Variants in RBM38 observed in about 807,000 individuals in gnomAD.
RBM38 encodes the protein RNA-binding protein 38.
RBM38 carries 11 observed loss-of-function variants against 23.5 expected under a neutral mutation model. The ratio of observed to expected loss-of-function variants is 0.47; its 90% CI spans 0.29 to 0.77. RBM38 has a LOEUF of 0.77. Among genes scored for constraint, RBM38 ranks in the 30% least tolerant of loss-of-function variants. The pLI is 0.08. For synonymous variants in RBM38, 165 were observed against 166.1 expected, an observed-to-expected ratio of 0.99 and a Z score of 0.05; for missense variants, 330 against 351.9, an observed-to-expected ratio of 0.94 and a Z score of 0.50.
chr20:57,391,862 T>G, intron 1 of RBM38, 44 bp downstream of exon 1: 1 of 1,351,436 alleles, frequency 7.4e-7, no homozygotes. Context: ...CCGCACACCT[T>G]ATCGCGGCCC....
intron 3 of RBM38, among the ~76,000 whole-genome samples, chr20:57,395,915 G>A (rs1450068137): frequency 6.6e-6 from 1 of 152,230 alleles, no homozygotes; most frequent in Non-Finnish European, 1.5e-5. Context: ...AGGGCATGGA[G>A]GGAGGTGGGA....
At chr20:57,403,232 C>T (rs774764403) in intron 3 of RBM38, among the ~76,000 whole-genome samples, 1 of 152,202 alleles carries the variant, frequency 6.6e-6, no homozygotes, top group Non-Finnish European at 1.5e-5. Context: ...TTGAGGTCAG[C>T]CTCTGTAGGA....
rs776727871 is a variant in RBM38 at position 57,407,812 on chromosome 20, A to G, written c.686A>G (p.Gln229Arg). The G allele has an allele frequency of 6.3e-7, 1 of 1,586,982 alleles. No individual in the cohort carries two copies. The change falls in exon 4 of 4, where the codon CAG becomes CGG. Residue 229 changes from glutamine (Q) to arginine (R), a missense_variant. Transcript: ENST00000356208. The surrounding 1 kb of genome is among the most constrained non-coding windows in gnomAD (Gnocchi z 4.0). The part of the protein sequence containing the change: ...APAGTTFVQY[Q>R]APQLQPDRMQ ...GCGGGCACCACTTTCGTGCAGTACC[A>G]GGCGCCGCAGCTGCAGCCTGACAGG...
In RBM38 at chr20:57,407,703, G is replaced by A. The variant is rs774859528; in HGVS notation, c.577G>A (p.Ala193Thr). ...GGCCACCTATGACCAGTACCCATACGCCGCCTCGCCTGCCACGGCTGCCAG... is the reference window on the plus strand; with the variant it reads ...GGCCACCTATGACCAGTACCCATACACCGCCTCGCCTGCCACGGCTGCCAG... The part of the protein sequence containing the change: ...PPATYDQYPY[A>T]ASPATAASFV... Residue 193 changes from alanine to threonine, a missense_variant, in exon 4 of 4, where the codon GCC becomes ACC. By Grantham distance (58) the Ala-to-Thr change is moderately conservative. This residue lies in a region of RBM38 where 227 missense variants were observed against 216.4 expected (regional missense o/e 1.05). Coordinates refer to ENST00000356208, the MANE Select transcript of RBM38 (RefSeq NM_017495.6). The surrounding 1 kb of genome is among the most constrained non-coding windows in gnomAD (Gnocchi z 4.0). 27 of 1,612,046 alleles carry A rather than the reference G, an allele frequency of 1.7e-5. No individual in the cohort carries two copies. Among genetic ancestry groups the A allele is most frequent in the Admixed American group, 6.7e-5 (4 of 59,974 alleles).
At chr20:57,396,646 A>G (rs2067277440) in intron 3 of RBM38, among the ~76,000 whole-genome samples, 1 of 152,250 alleles carries the variant, frequency 6.6e-6, no homozygotes, top group South Asian at 2.1e-4. Flanking sequence ...TACATTATAG[A>G]ACGTTTGAAG....
rs187416726 is a variant in RBM38, at chr20:57,407,363, A to G, written c.417-180A>G. Among the ~76,000 whole-genome samples the G allele has an allele frequency of 6.6e-6, 1 of 152,154 alleles. No individual in the cohort carries two copies. The highest frequency in any genetic ancestry group is 6.5e-5 in the Admixed American group (1 of 15,286). On this transcript the variant is annotated intron_variant, in intron 3 of 3. Coordinates refer to ENST00000356208, the MANE Select transcript of RBM38 (RefSeq NM_017495.6). The surrounding 1 kb of genome is among the most constrained non-coding windows in gnomAD (Gnocchi z 4.0). Reference sequence around the variant, plus strand: ...AGGGAGCCTGGTGGTTAGTGCAGACAGTCAGTGCGAAGGCCTTGAGGCGGC... The same window carrying G: ...AGGGAGCCTGGTGGTTAGTGCAGACGGTCAGTGCGAAGGCCTTGAGGCGGC...
At chr20:57,393,600 C>A (rs2067243552) in intron 3 of RBM38, among the ~76,000 whole-genome samples, 3 of 152,198 alleles carry the variant, frequency 2.0e-5, no homozygotes, top group South Asian at 2.1e-4. Context: ...GTTTCCTCAC[C>A]CGTAAAATGG....
intron 3 of RBM38, among the ~76,000 whole-genome samples, chr20:57,403,265 T>C (rs1240199048): frequency 1.3e-5 from 2 of 152,218 alleles, no homozygotes; most frequent in Non-Finnish European, 2.9e-5. Context: ...ATGAGGAAAC[T>C]GCGCCTTGGA....
At chr20:57,397,844 G>A (rs8116567) in intron 3 of RBM38, among the ~76,000 whole-genome samples, 5,458 of 152,280 alleles carry the variant, frequency 0.036, 333 homozygotes, top group African/African-American at 0.12. Flanking sequence ...TTGTGCACTC[G>A]TGGGCCCACA....
At chr20:57,406,003 G>C (rs866634538) in intron 3 of RBM38, among the ~76,000 whole-genome samples, 2 of 152,210 alleles carry the variant, frequency 1.3e-5, no homozygotes, top group African/African-American at 2.4e-5. Context: ...GGGGGCCCCT[G>C]CCTACAGGTC....
At position 57,408,422 on chromosome 20, in the gene RBM38, CGCACAGGG is replaced by C. The variant is rs908804782; in HGVS notation, c.*579_*586del. 8 of 154,346 alleles carry C rather than the reference CGCACAGGG, an allele frequency of 5.2e-5. No homozygotes were observed. Among genetic ancestry groups the C allele is most frequent in the African/African-American group, 1.9e-4 (8 of 41,598 alleles). 9.6% of individuals were successfully genotyped at this position (154,346 alleles called of 1,614,324 possible). A position where few individuals can be genotyped will look rare whatever the true frequency, so the allele number is the denominator to read the frequency against. On this transcript the variant is annotated 3_prime_UTR_variant, in exon 4 of 4. Transcript: ENST00000356208. ...CCTCAAGCCCGGAGGAGCTCCCAGG[CGCACAGGG>C]GCCGCCGGTAACAGGGGCCGCCGGC... is the stretch of plus-strand genomic sequence containing the variant.
intron 3 of RBM38, among the ~76,000 whole-genome samples, chr20:57,406,470 C>T (rs1309964552): frequency 6.6e-6 from 1 of 152,194 alleles, no homozygotes; most frequent in Non-Finnish European, 1.5e-5. Context: ...CTCACCTGGC[C>T]CCGTGTGTGA....
rs2067234681 is a variant in RBM38 at position 57,392,830 on chromosome 20, C to CGGTATCTG, written c.361+54_361+61dup. The stretch of plus-strand genomic sequence containing the variant: ...TCTTCTCGGTTTCTATATTGGGTGT[C>CGGTATCTG]GGTATCTGTCGGGTGGAAAGAGGCC... On this transcript the variant is annotated intron_variant, in intron 2 of 3. Transcript: ENST00000356208. The CGGTATCTG allele has an allele frequency of 4.4e-6, 7 of 1,588,568 alleles. No individual in the cohort carries two copies. The Admixed American group carries it at 5.3e-5, about 12-fold the overall frequency.
At chr20:57,406,861 G>C (rs2067389810) in intron 3 of RBM38, among the ~76,000 whole-genome samples, 1 of 152,144 alleles carries the variant, frequency 6.6e-6, no homozygotes, top group South Asian at 2.1e-4. Context: ...GAGCGTGGTG[G>C]CGGGCACCTG....
Position 57,407,645 on chromosome 20 carries a change from G to A in RBM38, c.519G>A (p.Thr173=), listed in dbSNP as rs1317517597. Residue 173 remains threonine, a synonymous_variant, in exon 4 of 4, where the codon ACG becomes ACA. Transcript: ENST00000356208. The surrounding 1 kb of genome is among the most constrained non-coding windows in gnomAD (Gnocchi z 4.0). ...TGTCCTCGCCCTACATTGAGTACAC[G>A]CCGGCCAGCCCGGCCTACGCCCAGT... The part of the protein sequence containing the change: ...PSLSSPYIEY[T]PASPAYAQYP... 7 of 1,613,052 alleles carry A rather than the reference G, an allele frequency of 4.3e-6. No homozygotes were observed. The highest frequency in any genetic ancestry group is 4.0e-5 in the African/African-American group (3 of 74,914).
In RBM38 at chr20:57,408,555, G is replaced by A. The variant is rs924390375; in HGVS notation, c.*709G>A. 6.6e-6 allele frequency: 1 copy of A among 152,184 alleles called. No homozygotes were observed. Among genetic ancestry groups the A allele is most frequent in the East Asian group, 1.9e-4 (1 of 5,198 alleles). 9.4% of individuals were successfully genotyped at this position (152,184 alleles called of 1,614,324 possible). A position where few individuals can be genotyped will look rare whatever the true frequency, so the allele number is the denominator to read the frequency against. On this transcript the variant is annotated 3_prime_UTR_variant, in exon 4 of 4. Coordinates refer to ENST00000356208, the MANE Select transcript of RBM38 (RefSeq NM_017495.6). ...CAGAAGTTCAGTCTATTTTTTCAGC[G>A]GATACTGCCGCCACCAAGAATCCAA...
chr20:57,394,245 GAC>G (rs2067251469), intron 3 of RBM38, among the ~76,000 whole-genome samples: 1 of 152,210 alleles, frequency 6.6e-6, no homozygotes, highest in Non-Finnish European at 1.5e-5. Flanking sequence ...CATTGAGAGA[GAC>G]ACAGCTTGAG....
chr20:57,405,897 C>T (rs1322228409), intron 3 of RBM38, among the ~76,000 whole-genome samples: 4 of 152,186 alleles, frequency 2.6e-5, no homozygotes, highest in South Asian at 2.1e-4. Flanking sequence ...GTTGCCAAAC[C>T]GCGCTCCAGA....
intron 3 of RBM38, among the ~76,000 whole-genome samples, chr20:57,406,142 C>T (rs989175889): frequency 6.6e-6 from 1 of 152,216 alleles, no homozygotes; most frequent in African/African-American, 2.4e-5. Context: ...CTCCGTGCCT[C>T]GGACTCTGCA....
Sources: allele counts gnomAD v4.1 joint callset (sites outside exome capture counted in the v4.1 genomes callset), GRCh38; gene constraint gnomAD v4.1.1; regional missense constraint gnomAD v4.1.1; non-coding constraint Gnocchi (gnomAD v3.1); transcripts MANE v1.5; gene names NCBI Gene and HGNC (gene_info 2026-07-23, HGNC 2026-07-21).